Variants in IRAK1BP1 observed in about 807,000 individuals in gnomAD.
IRAK1BP1 encodes the protein interleukin 1 receptor associated kinase 1 binding protein 1.
Under a neutral mutation model 28.0 loss-of-function variants are expected in IRAK1BP1, and 24 were observed. The ratio of observed to expected loss-of-function variants is 0.86; its 90% CI spans 0.62 to 1.20. The LOEUF is 1.20. IRAK1BP1 is among the 50% of genes most tolerant of loss of function. IRAK1BP1 has a pLI of 0.00. For missense variants in IRAK1BP1, 336 were observed against 316.7 expected, an observed-to-expected ratio of 1.06 and a Z score of -0.46; for synonymous variants, 131 against 116.3, an observed-to-expected ratio of 1.13 and a Z score of -0.81.
downstream of IRAK1BP1, chr6:78,903,142 G>A: frequency 1.8e-6 from 2 of 1,140,982 alleles, no homozygotes; most frequent in Admixed American, 2.4e-5. Context: ...GTGAGAAAAA[G>A]AAGACTAAGA....
rs151230685 is a variant in IRAK1BP1, at chr6:78,909,999, G to A, written c.*67+6889G>A. Among the ~76,000 whole-genome samples the A allele has an allele frequency of 6.5e-4, 99 of 152,290 alleles. 1 individual carries two copies. In the South Asian group the frequency reaches 8.1e-3, roughly 12 times the overall value. On this transcript the variant is annotated intron_variant and NMD_transcript_variant, in intron 4 of 4. Transcript: ENST00000606868. Reference sequence around the variant, plus strand: ...GAAGGGAAACAATGAAAAAGTTCAGGTGGGTCACAAACATGGACACAAGGA... The same window carrying A: ...GAAGGGAAACAATGAAAAAGTTCAGATGGGTCACAAACATGGACACAAGGA...
chr6:78,919,420 G>A (rs890638882), intron 4 of IRAK1BP1, among the ~76,000 whole-genome samples: 1 of 152,006 alleles, frequency 6.6e-6, no homozygotes, highest in Admixed American at 6.6e-5. Context: ...TCTTTGAAAG[G>A]ATAAACAAGA....
chr6:78,904,850 TATATC>T (rs1445128852), downstream of IRAK1BP1, among the ~76,000 whole-genome samples: 2 of 152,212 alleles, frequency 1.3e-5, no homozygotes, highest in Non-Finnish European at 2.9e-5. Context: ...TTATGTTTAA[TATATC>T]AAATATTTCA....
At chr6:78,938,975 T>C (rs539449292) in intron 4 of IRAK1BP1, 2 of 151,874 alleles carry the variant, frequency 1.3e-5, no homozygotes, top group Admixed American at 1.3e-4. Flanking sequence ...AGGGTCATGC[T>C]GATACATATT....
At chr6:78,911,088 C>T (rs928774374) in intron 4 of IRAK1BP1, among the ~76,000 whole-genome samples, 1 of 152,328 alleles carries the variant, frequency 6.6e-6, no homozygotes, top group South Asian at 2.1e-4. Flanking sequence ...CCTCCGCCTT[C>T]CTTCTGCTGC....
At chr6:78,936,875 G>A in intron 4 of IRAK1BP1, 1 of 151,732 alleles carries the variant, frequency 6.6e-6, no homozygotes, top group East Asian at 1.9e-4. Context: ...ATTAATTTTA[G>A]TTCAGATCAC....
At chr6:78,942,719 T>C (rs1379538483) in intron 4 of IRAK1BP1, among the ~76,000 whole-genome samples, 1 of 152,182 alleles carries the variant, frequency 6.6e-6, no homozygotes, top group Non-Finnish European at 1.5e-5. Flanking sequence ...TTGTTTTACA[T>C]TATGACTACA....
chr6:78,913,520 C>T (rs976273233), intron 4 of IRAK1BP1, among the ~76,000 whole-genome samples: 6 of 152,138 alleles, frequency 3.9e-5, no homozygotes, highest in African/African-American at 1.4e-4. Flanking sequence ...GTGGCACACA[C>T]CTGTAATCCC....
the IRAK1BP1 span, among the ~76,000 whole-genome samples, chr6:78,967,704 C>A: frequency 2.6e-5 from 4 of 152,174 alleles, no homozygotes; most frequent in African/African-American, 9.7e-5. Context: ...GATGCTCATT[C>A]ATTTTAATTC....
downstream of IRAK1BP1, among the ~76,000 whole-genome samples, chr6:78,905,687 C>T (rs900641396): frequency 6.6e-6 from 1 of 152,082 alleles, no homozygotes; most frequent in African/African-American, 2.4e-5. Flanking sequence ...CTGCAACCTC[C>T]GCCTCCTGGG....
downstream of IRAK1BP1, among the ~76,000 whole-genome samples, chr6:78,948,116 A>T (rs1773929193): frequency 6.6e-6 from 1 of 152,184 alleles, no homozygotes; most frequent in Non-Finnish European, 1.5e-5. Flanking sequence ...GAAAAACTCA[A>T]AACTTTATAC....
At chr6:78,910,898 C>T (rs1462916168) in intron 4 of IRAK1BP1, among the ~76,000 whole-genome samples, 1 of 152,260 alleles carries the variant, frequency 6.6e-6, no homozygotes, top group African/African-American at 2.4e-5. Context: ...GTTAGCACCC[C>T]AAGACGCTGC....
At chr6:78,878,725 C>A (rs565021237) in intron 1 of IRAK1BP1, among the ~76,000 whole-genome samples, 3 of 152,244 alleles carry the variant, frequency 2.0e-5, no homozygotes, top group African/African-American at 7.2e-5. Flanking sequence ...GATGTTCAGA[C>A]CCATTGCAAA....
At chr6:78,972,251 C>G in the IRAK1BP1 span, among the ~76,000 whole-genome samples, 111 of 139,206 alleles carry the variant, frequency 8.0e-4, no homozygotes, top group South Asian at 1.8e-3. Context: ...CTGGGAGGCA[C>G]CCTCCAGCAG....
At chr6:78,880,601 G>A (rs1259079163) in intron 1 of IRAK1BP1, among the ~76,000 whole-genome samples, 1 of 152,084 alleles carries the variant, frequency 6.6e-6, no homozygotes, top group African/African-American at 2.4e-5. Context: ...TGAAAAGTCA[G>A]TCTATAGACT....
chr6:78,883,486 G>A (rs1326623334), intron 1 of IRAK1BP1, among the ~76,000 whole-genome samples: 3 of 151,898 alleles, frequency 2.0e-5, no homozygotes, highest in African/African-American at 4.8e-5. Flanking sequence ...AACAAAAATA[G>A]CAATAAAAGA....
At chr6:78,953,483 C>G in the IRAK1BP1 span, among the ~76,000 whole-genome samples, 15 of 152,082 alleles carry the variant, frequency 9.9e-5, no homozygotes, top group Non-Finnish European at 1.5e-4. Context: ...TTGCAAGAAC[C>G]AAAGCGAAAT....
chr6:78,875,255 G>T (rs1303685010), intron 1 of IRAK1BP1, among the ~76,000 whole-genome samples: 1 of 152,080 alleles, frequency 6.6e-6, no homozygotes, highest in Admixed American at 6.6e-5. Flanking sequence ...AGATTGTAGA[G>T]AAAGAGGAGT....
chr6:78,941,116 G>A (rs777455779), intron 4 of IRAK1BP1: 3 of 1,613,646 alleles, frequency 1.9e-6, no homozygotes, highest in Non-Finnish European at 2.5e-6. Flanking sequence ...CATCTCTGAT[G>A]GGATGCACAT....
Sources: gnomAD v4.1 joint callset for allele counts (sites outside exome capture counted in the v4.1 genomes callset) on GRCh38, gnomAD v4.1.1 for gene constraint, MANE v1.5 for transcripts, NCBI Gene and HGNC (gene_info 2026-07-23, HGNC 2026-07-21) for gene names.